The following MBNL3 variants were observed in gnomAD, a reference collection of about 807,000 sequenced individuals.
The protein encoded by MBNL3 is muscleblind-like protein 3.
In MBNL3, 6 loss-of-function variants were observed where a neutral mutation model predicts 24.5. The observed-to-expected ratio is 0.25, with a 90% confidence interval of 0.13 to 0.48. The LOEUF (loss-of-function observed/expected upper bound fraction) is 0.48. Among genes scored for constraint, MBNL3 ranks in the 20% least tolerant of loss-of-function variants. MBNL3 has a pLI of 0.99. For missense variants in MBNL3, 230 were observed against 293.5 expected (o/e 0.78, Z 1.58); for synonymous variants, 100 against 101.7 (o/e 0.98, Z 0.10).
chrX:132,439,815 A>T lies in MBNL3; in HGVS notation c.-204T>A. 5.9e-6 allele frequency: 3 copies of T among 505,239 alleles called. No individual in the cohort carries two copies. The highest frequency in any genetic ancestry group is 8.3e-6 in the Non-Finnish European group (3 of 361,434). The allele number at this position is 505,239 out of a possible 1,213,427, so 41.6% of individuals were successfully genotyped here. ...AGCCAATCATAAAAACTATCAGAAT[A>T]ACTAAAAATGAAATTAGAGACCAAC... is the stretch of plus-strand genomic sequence containing the variant. On this transcript the variant is annotated 5_prime_UTR_variant, in exon 2 of 9. Coordinates refer to ENST00000370853, the MANE Select transcript of MBNL3 (RefSeq NM_001386889.1).
intron 1 of MBNL3, among the ~76,000 whole-genome samples, chrX:132,459,719 G>A (rs1946539536): frequency 1.8e-5 from 2 of 111,838 alleles, no homozygotes; most frequent in South Asian, 7.4e-4. Flanking sequence ...GTGTGTTGTT[G>A]TATACACTAC....
At chrX:132,474,114 A>AT (rs1173875095) in intron 1 of MBNL3, among the ~76,000 whole-genome samples, 18 of 111,087 alleles carry the variant, frequency 1.6e-4, no homozygotes, top group Non-Finnish European at 3.2e-4. Context: ...GAGGTTTGTT[A>AT]TTTTTTTTAT....
intron 2 of MBNL3, among the ~76,000 whole-genome samples, chrX:132,436,195 CT>C (rs1209703627): frequency 9.8e-5 from 11 of 111,738 alleles, no homozygotes; most frequent in Admixed American, 9.5e-4. Context: ...TCAAAAACAG[CT>C]GCATACCAAC....
intron 1 of MBNL3, among the ~76,000 whole-genome samples, chrX:132,462,774 C>T (rs1211020735): frequency 9.0e-6 from 1 of 111,330 alleles, no homozygotes; most frequent in Non-Finnish European, 1.9e-5. Context: ...GGAGCTAAAA[C>T]TACTCACACA....
chrX:132,443,924 C>T (rs771626567), intron 1 of MBNL3, among the ~76,000 whole-genome samples: 1 of 96,456 alleles, frequency 1.0e-5, no homozygotes, highest in Admixed American at 1.2e-4. Context: ...ACTTGCACAA[C>T]TTCATGAAGC....
chrX:132,425,843 C>T (rs866892703), intron 2 of MBNL3, among the ~76,000 whole-genome samples: 25 of 111,599 alleles, frequency 2.2e-4, no homozygotes, highest in Admixed American at 3.8e-4. Context: ...CCGTATATAA[C>T]GTAAAAGCAC....
intron 2 of MBNL3, among the ~76,000 whole-genome samples, chrX:132,424,730 CTT>C (rs2148385874): frequency 9.1e-6 from 1 of 109,453 alleles, no homozygotes; most frequent in African/African-American, 3.3e-5. Context: ...ATGGGTGTCT[CTT>C]AACTTCTTTC....
upstream of MBNL3, chrX:132,489,721 G>C (rs1347568603): frequency 9.2e-6 from 1 of 108,734 alleles, no homozygotes; most frequent in Non-Finnish European, 1.9e-5. Flanking sequence ...GAGCGCGGGC[G>C]GGCATCCGGA....
At chrX:132,405,461 C>G (rs1941630865) in intron 3 of MBNL3, among the ~76,000 whole-genome samples, 1 of 111,782 alleles carries the variant, frequency 8.9e-6, no homozygotes, top group South Asian at 3.7e-4. Flanking sequence ...GACAAATCTA[C>G]CAGGGTAATA....
In MBNL3 at chrX:132,379,565, G is replaced by A. The variant is rs144397840; in HGVS notation, c.*101C>T. 1.7e-3 allele frequency: 1,438 copies of A among 862,859 alleles called. 8 individuals carry two copies. The African/African-American group carries it at 0.026, about 15-fold the overall frequency. 71.1% of individuals were successfully genotyped at this position (862,859 alleles called of 1,213,427 possible). ...TTGCTTAATACATTGACTGCAACAC[G>A]CTTATTGTTGTGTTGGTAGAATAAG... On this transcript the variant is annotated 3_prime_UTR_variant, in exon 9 of 9. Transcript: ENST00000370853.
chrX:132,392,942 T>C (rs922958062), intron 3 of MBNL3, among the ~76,000 whole-genome samples: 4 of 111,749 alleles, frequency 3.6e-5, no homozygotes, highest in African/African-American at 1.3e-4. Flanking sequence ...ATGAGTTTAG[T>C]ATGGTCCATT....
Position 132,431,900 on chromosome X carries a change from T to C in MBNL3, c.177+7535A>G, listed in dbSNP as rs763665194. 3.6e-5 allele frequency: 4 copies of C among 112,006 alleles called. No individual in the cohort carries two copies. The South Asian group carries it at 1.5e-3, about 42-fold the overall frequency. The allele number at this position is 112,006 out of a possible 1,213,427, so 9.2% of individuals were successfully genotyped here. ...AAATAGGCTCTCATTATCTACTCTA[T>C]ATACATTTATTTGTTCAACCTCAGT... On this transcript the variant is annotated intron_variant, in intron 2 of 8. Coordinates refer to ENST00000370853, the MANE Select transcript of MBNL3 (RefSeq NM_001386889.1).
intron 1 of MBNL3, among the ~76,000 whole-genome samples, chrX:132,458,235 A>T (rs950106734): frequency 9.0e-6 from 1 of 110,658 alleles, no homozygotes; most frequent in African/African-American, 3.3e-5. Flanking sequence ...CAAAATTTCA[A>T]ACAAATTTCA....
intron 2 of MBNL3, chrX:132,432,963 T>C (rs1452359469): frequency 1.8e-5 from 2 of 111,743 alleles, no homozygotes; most frequent in Non-Finnish European, 3.8e-5. Flanking sequence ...GCAACTAAAA[T>C]TTATTACAGC....
At chrX:132,446,616 T>G (rs1447765392) in intron 1 of MBNL3, among the ~76,000 whole-genome samples, 1 of 112,393 alleles carries the variant, frequency 8.9e-6, no homozygotes, top group Non-Finnish European at 1.9e-5. Flanking sequence ...TTTTTTCTTG[T>G]AAATTTGTTT....
At chrX:132,465,974 A>G (rs1217262410) in intron 1 of MBNL3, among the ~76,000 whole-genome samples, 1 of 111,971 alleles carries the variant, frequency 8.9e-6, no homozygotes, top group Non-Finnish European at 1.9e-5. Context: ...ATGACAAATA[A>G]TTTTGATTAA....
intron 2 of MBNL3, among the ~76,000 whole-genome samples, chrX:132,416,595 T>C (rs2148346154): frequency 8.9e-6 from 1 of 111,883 alleles, no homozygotes; most frequent in Non-Finnish European, 1.9e-5. Flanking sequence ...GATTGGAATG[T>C]TCCTAACACG....
chrX:132,413,261 G>T (rs1942977324), intron 2 of MBNL3, among the ~76,000 whole-genome samples: 1 of 111,468 alleles, frequency 9.0e-6, no homozygotes, highest in Admixed American at 9.5e-5. Flanking sequence ...CCCAGCTAGG[G>T]CTTCTGCTTA....
intron 7 of MBNL3, among the ~76,000 whole-genome samples, chrX:132,382,910 G>A (rs1569410197): frequency 8.9e-6 from 1 of 111,959 alleles, no homozygotes; most frequent in East Asian, 2.8e-4. Flanking sequence ...CAAACTCCTG[G>A]GAAACTTTGG....
Sources: gnomAD v4.1 joint callset for allele counts (sites outside exome capture counted in the v4.1 genomes callset) on GRCh38, gnomAD v4.1.1 for gene constraint, MANE v1.5 for transcripts, NCBI Gene and HGNC (gene_info 2026-07-23, HGNC 2026-07-21) for gene names.